Variants in FBXO34 observed in about 807,000 individuals in gnomAD.
FBXO34 encodes F-box only protein 34.
Under a neutral mutation model 24.5 loss-of-function variants are expected in FBXO34, and 12 were observed. The observed-to-expected ratio is 0.49, with a 90% CI of 0.31 to 0.79. The LOEUF (loss-of-function observed/expected upper bound fraction) is 0.79, where lower values mean the gene tolerates loss of function less well. Among genes scored for constraint, FBXO34 ranks in the 30% least tolerant of loss-of-function variants. The pLI is 0.04. For synonymous variants in FBXO34, 320 were observed against 311.9 expected (o/e 1.03, Z -0.27); for missense variants, 823 against 857.7 (o/e 0.96, Z 0.51).
chr14:55,392,699 T>C, the FBXO34 span, among the ~76,000 whole-genome samples: 14 of 150,700 alleles, frequency 9.3e-5, no homozygotes, highest in Non-Finnish European at 1.8e-4. Flanking sequence ...AAAAGAATGA[T>C]TATTCTCTAA....
chr14:55,440,574 C>A, the FBXO34 span: 1 of 1,559,906 alleles, frequency 6.4e-7, no homozygotes, highest in African/African-American at 1.4e-5. Flanking sequence ...CGAGGCGGGG[C>A]GGCCCTCGGC....
the FBXO34 span, chr14:55,429,038 G>GT: frequency 1.3e-6 from 2 of 1,566,282 alleles, no homozygotes; most frequent in Admixed American, 3.4e-5. Flanking sequence ...TACTGGTGTT[G>GT]TATTGGATTG....
chr14:55,410,584 A>G, the FBXO34 span, among the ~76,000 whole-genome samples: 1 of 152,238 alleles, frequency 6.6e-6, no homozygotes, highest in Non-Finnish European at 1.5e-5. Flanking sequence ...CAGAAATACT[A>G]AGAACTCAAA....
intron 1 of FBXO34, among the ~76,000 whole-genome samples, chr14:55,323,097 A>G (rs1202605429): frequency 7.3e-6 from 1 of 136,916 alleles, no homozygotes; most frequent in Non-Finnish European, 1.5e-5. Context: ...AGGCAGGAGA[A>G]TGGCGTGAAC....
intron 1 of FBXO34, among the ~76,000 whole-genome samples, chr14:55,281,657 T>A (rs1413774810): frequency 5.9e-5 from 9 of 152,232 alleles, no homozygotes; most frequent in Non-Finnish European, 1.3e-4. Context: ...TTTTACGAAG[T>A]CTATTCCCAT....
intron 1 of FBXO34, among the ~76,000 whole-genome samples, chr14:55,328,026 G>A (rs1883408394): frequency 7.2e-6 from 1 of 138,460 alleles, no homozygotes; most frequent in Non-Finnish European, 1.5e-5. Context: ...CTGGGTTCAA[G>A]CAGTTCTCCT....
At chr14:55,339,378 G>GCA (rs1555339070) in intron 1 of FBXO34, 2 of 113,194 alleles carry the variant, frequency 1.8e-5, no homozygotes, top group South Asian at 6.3e-4. Flanking sequence ...TTAATCACCT[G>GCA]CCCCCCCCCC....
intron 1 of FBXO34, among the ~76,000 whole-genome samples, chr14:55,291,063 G>A (rs1881931374): frequency 6.6e-6 from 1 of 152,042 alleles, no homozygotes; most frequent in African/African-American, 2.4e-5. Context: ...CTGACCTTAA[G>A]TGATCCTCCT....
At position 55,332,013 on chromosome 14, in the gene FBXO34, A is replaced by AATAT. The variant is rs1436926174; in HGVS notation, c.-10-18360_-10-18357dup. Among the ~76,000 whole-genome samples the AATAT allele has an allele frequency of 2.6e-5, 3 of 113,628 alleles. 1 individual carries two copies. Among genetic ancestry groups the AATAT allele is most frequent in the Non-Finnish European group, 3.7e-5 (2 of 53,476 alleles). The allele number at this position is 113,628 out of a possible 152,430, so 74.5% of individuals were successfully genotyped here. ...TACACCACCGTGGTGTATATATAAAAATATATATATACCACCGTGGTGGTA... is the reference window on the plus strand; with the variant it reads ...TACACCACCGTGGTGTATATATAAAAATATATATATATATACCACCGTGGTGGTA... On this transcript the variant is annotated intron_variant, in intron 1 of 1. Coordinates refer to ENST00000313833, the MANE Select transcript of FBXO34 (RefSeq NM_017943.4).
chr14:55,395,960 T>G, the FBXO34 span: 1 of 1,596,610 alleles, frequency 6.3e-7, no homozygotes, highest in Admixed American at 1.7e-5. Flanking sequence ...GTTATCCATT[T>G]TCCTTCCATA....
At chr14:55,414,557 A>G in the FBXO34 span, 1 of 846,678 alleles carries the variant, frequency 1.2e-6, no homozygotes, top group Admixed American at 2.9e-5. Flanking sequence ...TTTTAATATG[A>G]CATCTCTTTA....
intron 1 of FBXO34, among the ~76,000 whole-genome samples, chr14:55,292,463 G>T (rs1881974779): frequency 6.6e-6 from 1 of 152,006 alleles, no homozygotes; most frequent in African/African-American, 2.4e-5. Context: ...AGGCTCAAGT[G>T]ATCCTCACAC....
At chr14:55,380,685 C>A in the FBXO34 span, 1 of 1,595,166 alleles carries the variant, frequency 6.3e-7, no homozygotes, top group South Asian at 1.1e-5. Flanking sequence ...TTACTCTGCT[C>A]CATGTCTGCA....
downstream of FBXO34, chr14:55,369,723 T>C (rs1884769170): frequency 6.2e-7 from 1 of 1,612,668 alleles, no homozygotes; most frequent in Non-Finnish European, 8.5e-7. Context: ...GACGCCTGGG[T>C]GCTCTGACTC....
intron 1 of FBXO34, among the ~76,000 whole-genome samples, chr14:55,336,630 A>C (rs1489957090): frequency 2.6e-5 from 4 of 152,190 alleles, no homozygotes; most frequent in African/African-American, 9.7e-5. Flanking sequence ...CTTAGCCATC[A>C]TGCAGCTTCA....
At chr14:55,326,631 A>T (rs961950406) in intron 1 of FBXO34, among the ~76,000 whole-genome samples, 1 of 152,224 alleles carries the variant, frequency 6.6e-6, no homozygotes, top group Non-Finnish European at 1.5e-5. Flanking sequence ...CTCGTAATAG[A>T]GGGCAATCTA....
the FBXO34 span, among the ~76,000 whole-genome samples, chr14:55,397,943 C>CTTTTTTTTT: frequency 3.8e-5 from 4 of 105,556 alleles, no homozygotes; most frequent in South Asian, 3.3e-4. Flanking sequence ...TGCAGTAATT[C>CTTTTTTTTT]TTTTTTTTTT....
chr14:55,424,992 A>G, the FBXO34 span, among the ~76,000 whole-genome samples: 22 of 152,306 alleles, frequency 1.4e-4, no homozygotes, highest in African/African-American at 4.8e-4. Context: ...TGGCTAATGG[A>G]CAAGAAATAT....
intron 1 of FBXO34, among the ~76,000 whole-genome samples, chr14:55,314,663 T>G (rs1594746180): frequency 6.6e-6 from 1 of 152,226 alleles, no homozygotes; most frequent in Admixed American, 6.5e-5. Flanking sequence ...CAATAAATTT[T>G]TGTTGTAGAA....
Sources: gnomAD v4.1 joint callset for allele counts (sites outside exome capture counted in the v4.1 genomes callset) on GRCh38, gnomAD v4.1.1 for gene constraint, MANE v1.5 for transcripts, NCBI Gene and HGNC (gene_info 2026-07-23, HGNC 2026-07-21) for gene names.